The following LNP1 variants were observed in gnomAD, a reference collection of about 807,000 sequenced individuals.
LNP1 encodes the protein leukemia NUP98 fusion partner 1.
In LNP1, 12 loss-of-function variants were observed where a neutral mutation model predicts 14.5. The ratio of observed to expected loss-of-function variants is 0.83; its 90% confidence interval spans 0.53 to 1.34. LNP1 has a LOEUF of 1.34. Ranked by LOEUF, LNP1 falls within the 40% of genes most tolerant of loss-of-function variation. LNP1 has a pLI of 0.00. For synonymous variants in LNP1, 75 were observed against 71.4 expected, an observed-to-expected ratio of 1.05 and a Z score of -0.26; for missense variants, 198 against 210.9, an observed-to-expected ratio of 0.94 and a Z score of 0.38.
chr3:100,449,898 T>C (rs1707422231), intron 2 of LNP1, among the ~76,000 whole-genome samples: 1 of 152,154 alleles, frequency 6.6e-6, no homozygotes, highest in African/African-American at 2.4e-5. Context: ...CAGGCTGTCA[T>C]GGTGGAAAAA....
chr3:100,427,103 TC>T (rs536464355), intron 1 of LNP1, among the ~76,000 whole-genome samples: 195 of 152,026 alleles, frequency 1.3e-3, no homozygotes, highest in Non-Finnish European at 2.3e-3. Flanking sequence ...GGGTATTATT[TC>T]CCCCCTCCCC....
intron 1 of LNP1, among the ~76,000 whole-genome samples, chr3:100,413,505 T>C (rs1707049919): frequency 6.6e-6 from 1 of 152,246 alleles, no homozygotes; most frequent in African/African-American, 2.4e-5. Flanking sequence ...TTTTATGCAC[T>C]CATTTCCCAC....
At chr3:100,430,430 A>G (rs934617154) in intron 2 of LNP1, among the ~76,000 whole-genome samples, 1 of 152,212 alleles carries the variant, frequency 6.6e-6, no homozygotes, top group Non-Finnish European at 1.5e-5. Context: ...TGTTACAGCT[A>G]GGCAGAGCAC....
At chr3:100,432,021 T>TTC (rs1356392982) in intron 2 of LNP1, among the ~76,000 whole-genome samples, 3 of 36,232 alleles carry the variant, frequency 8.3e-5, no homozygotes, top group Non-Finnish European at 1.2e-4. Context: ...TATATATATA[T>TTC]ATATATATAT....
At chr3:100,437,327 C>T (rs1341174835) in intron 2 of LNP1, among the ~76,000 whole-genome samples, 1 of 152,132 alleles carries the variant, frequency 6.6e-6, no homozygotes, top group Non-Finnish European at 1.5e-5. Context: ...AGGTGTGAAG[C>T]GTTATAAGCT....
intron 1 of LNP1, among the ~76,000 whole-genome samples, chr3:100,419,778 T>C (rs1195786604): frequency 6.6e-6 from 1 of 152,140 alleles, no homozygotes; most frequent in African/African-American, 2.4e-5. Context: ...GATTGAACTT[T>C]TTTACGCAGC....
rs1351341604 is a variant in LNP1, at chr3:100,453,472, C to T, written c.387+1523C>T. 2.7e-5 allele frequency among the ~76,000 whole-genome samples: 4 copies of T among 150,700 alleles called. No homozygotes were observed. The East Asian group carries it at 7.8e-4, about 29-fold the overall frequency. ...AGCCATGGTGTCCTGCACCTGTATT[C>T]CTCACTGCTTGGGAGGCTGAGGTGG... On this transcript the variant is annotated intron_variant, in intron 3 of 3. Coordinates refer to ENST00000383693, the MANE Select transcript of LNP1 (RefSeq NM_001085451.2).
At chr3:100,409,474 C>G (rs1707005413) in intron 1 of LNP1, among the ~76,000 whole-genome samples, 1 of 150,868 alleles carries the variant, frequency 6.6e-6, no homozygotes, top group African/African-American at 2.4e-5. Context: ...GAAACCCTGT[C>G]TTTACTAAAA....
intron 1 of LNP1, among the ~76,000 whole-genome samples, chr3:100,406,860 C>T (rs1447438389): frequency 6.6e-6 from 1 of 152,126 alleles, no homozygotes; most frequent in Non-Finnish European, 1.5e-5. Context: ...TATCTATTGT[C>T]GGTTTTTGCT....
intron 1 of LNP1, among the ~76,000 whole-genome samples, chr3:100,419,436 T>G (rs1257692526): frequency 4.6e-5 from 7 of 152,144 alleles, no homozygotes; most frequent in Non-Finnish European, 7.3e-5. Context: ...ACCAGGAAAT[T>G]GACATTGGTA....
intron 3 of LNP1, among the ~76,000 whole-genome samples, chr3:100,455,432 T>C (rs1478143563): frequency 6.6e-6 from 1 of 152,230 alleles, no homozygotes. Context: ...ATTCCATGTG[T>C]GATCTCATTT....
At chr3:100,441,644 A>C in intron 2 of LNP1, among the ~76,000 whole-genome samples, 1 of 150,700 alleles carries the variant, frequency 6.6e-6, no homozygotes, top group Non-Finnish European at 1.5e-5. Context: ...ATATATATAT[A>C]TATATATGTA....
At chr3:100,445,872 C>G (rs535902738) in intron 2 of LNP1, among the ~76,000 whole-genome samples, 1 of 152,156 alleles carries the variant, frequency 6.6e-6, no homozygotes, top group South Asian at 2.1e-4. Context: ...GAATAAAATA[C>G]CTAGGAATCC....
rs192262664 is a variant in LNP1 at position 100,425,854 on chromosome 3, G to A, written c.-33-3843G>A. Among the ~76,000 whole-genome samples the A allele has an allele frequency of 2.0e-4, 30 of 152,318 alleles. No homozygotes were observed. In the East Asian group the frequency reaches 5.6e-3, roughly 28 times the overall value. On this transcript the variant is annotated intron_variant, in intron 1 of 3. Transcript: ENST00000383693. ...GTCCTGATTATTTATTCAGGAAGCA[G>A]CCTAGAAAATATCAATTTCTGTCTA...
intron 2 of LNP1, among the ~76,000 whole-genome samples, chr3:100,431,843 A>AG (rs1707244161): frequency 6.7e-6 from 1 of 149,260 alleles, no homozygotes; most frequent in African/African-American, 2.5e-5. Flanking sequence ...AAAAAAAAAA[A>AG]AAAAATAGCA....
chr3:100,432,121 G>C (rs1474814485), intron 2 of LNP1, among the ~76,000 whole-genome samples: 3 of 146,120 alleles, frequency 2.1e-5, no homozygotes, highest in Non-Finnish European at 4.5e-5. Flanking sequence ...ATACCTTAAA[G>C]AGAAAAGCTT....
chr3:100,402,416 G>A lies in LNP1; in HGVS notation c.-57G>A, dbSNP rs1706919806. ...ATGGCCTAATTGGAAAGAATTTCAGGATCACCGGTTTCTCCTGCTTCATGT... is the reference window on the plus strand; with the variant it reads ...ATGGCCTAATTGGAAAGAATTTCAGAATCACCGGTTTCTCCTGCTTCATGT... On this transcript the variant is annotated 5_prime_UTR_variant, in exon 1 of 4. Coordinates refer to ENST00000383693, the MANE Select transcript of LNP1 (RefSeq NM_001085451.2). 1 of 152,210 alleles carries A rather than the reference G, an allele frequency of 6.6e-6. No individual in the cohort carries two copies. The highest frequency in any genetic ancestry group is 6.5e-5 in the Admixed American group (1 of 15,278). 9.4% of individuals were successfully genotyped at this position (152,210 alleles called of 1,614,324 possible). A position where few individuals can be genotyped will look rare whatever the true frequency, so the allele number is the denominator to read the frequency against.
rs1204434699 is a variant in LNP1, at chr3:100,405,176, C to G, written c.-34+2737C>G. 2.6e-5 allele frequency among the ~76,000 whole-genome samples: 4 copies of G among 152,152 alleles called. No individual in the cohort carries two copies. In the East Asian group the frequency reaches 7.7e-4, roughly 29 times the overall value. ...ACCATAGACCTTTTTAGACCTCTCT[C>G]TTTTTCATCCTTACCTACCCAAGCA... On this transcript the variant is annotated intron_variant, in intron 1 of 3. Coordinates refer to ENST00000383693, the MANE Select transcript of LNP1 (RefSeq NM_001085451.2).
intron 2 of LNP1, among the ~76,000 whole-genome samples, chr3:100,442,623 T>G (rs765285722): frequency 1.3e-5 from 2 of 152,134 alleles, no homozygotes; most frequent in Admixed American, 1.3e-4. Flanking sequence ...AAGGAGGCAA[T>G]CAGATATGCA....
Sources: gnomAD v4.1 joint callset for allele counts (sites outside exome capture counted in the v4.1 genomes callset) on GRCh38, gnomAD v4.1.1 for gene constraint, MANE v1.5 for transcripts, NCBI Gene and HGNC (gene_info 2026-07-23, HGNC 2026-07-21) for gene names.